UST: variants seen among roughly 807,000 people sequenced by gnomAD.
UST encodes chondroitin sulfate 2-O-sulfotransferase.
Under a neutral mutation model 45.6 loss-of-function variants are expected in UST, and 21 were observed. That is an observed-to-expected ratio of 0.46 (90% CI 0.33 to 0.66). UST has a LOEUF of 0.66. Ranked by LOEUF, UST falls within the 30% of genes least tolerant of loss-of-function variation. The pLI, the probability that UST is intolerant of heterozygous loss-of-function variation, is 0.02. For missense variants in UST, 463 were observed against 512.4 expected, an observed-to-expected ratio of 0.90 and a Z score of 0.93; for synonymous variants, 215 against 200.6, an observed-to-expected ratio of 1.07 and a Z score of -0.61.
chr6:148,861,927 C>G (rs1778324028), intron 1 of UST, among the ~76,000 whole-genome samples: 2 of 118,800 alleles, frequency 1.7e-5, no homozygotes, highest in Non-Finnish European at 3.3e-5. Context: ...ACTATGTGGT[C>G]AGTTTTGGAA....
In UST at chr6:149,073,985, C is replaced by A; in HGVS notation, c.1090C>A (p.Leu364Ile). Residue 364 changes from leucine to isoleucine, a missense_variant, in exon 8 of 8, where the codon CTT (leucine) becomes ATT (isoleucine). Physicochemically the swap from Leu to Ile is conservative, Grantham distance 5. Around this residue, in one of 2 missense-constraint regions of UST, gnomAD observed 287 missense variants for 374.2 expected, o/e 0.77. Coordinates refer to ENST00000367463, the MANE Select transcript of UST (RefSeq NM_005715.3). Reference sequence around the variant, plus strand: ...CCACCTGCTGAAGCGCAAGTTTGGACTTAAGTCTCACGTCAGCAAGCCCCC... The same window carrying A: ...CCACCTGCTGAAGCGCAAGTTTGGAATTAAGTCTCACGTCAGCAAGCCCCC... The part of the protein sequence containing the change: ...QFHLLKRKFG[L>I]KSHVSKPPLR... 1 of 1,614,206 alleles carries A rather than the reference C, an allele frequency of 6.2e-7. No individual in the cohort carries two copies. The highest frequency in any genetic ancestry group is 1.7e-5 in the Admixed American group (1 of 60,024).
At chr6:149,067,574 T>C (rs1297534107) in intron 7 of UST, among the ~76,000 whole-genome samples, 1 of 152,240 alleles carries the variant, frequency 6.6e-6, no homozygotes, top group East Asian at 1.9e-4. Flanking sequence ...CCTCATGTTC[T>C]GACTAGCACT....
At chr6:148,813,684 A>G (rs1777301922) in intron 1 of UST, among the ~76,000 whole-genome samples, 1 of 152,172 alleles carries the variant, frequency 6.6e-6, no homozygotes, top group Non-Finnish European at 1.5e-5. Flanking sequence ...CCAGCCCAGA[A>G]GAAATTTTAA....
At chr6:148,806,617 G>T (rs1262734381) in intron 1 of UST, among the ~76,000 whole-genome samples, 1 of 152,160 alleles carries the variant, frequency 6.6e-6, no homozygotes, top group Non-Finnish European at 1.5e-5. Context: ...GGGATTACAG[G>T]CGTGAGCCAT....
intron 1 of UST, among the ~76,000 whole-genome samples, chr6:148,850,327 C>T (rs1340740076): frequency 6.6e-6 from 1 of 152,112 alleles, no homozygotes; most frequent in Non-Finnish European, 1.5e-5. Context: ...TGCTACACCC[C>T]GTCTTGAAGA....
intron 5 of UST, chr6:148,964,814 T>G: frequency 2.0e-6 from 1 of 507,996 alleles, no homozygotes; most frequent in Non-Finnish European, 3.5e-6. Context: ...GTGCTAGGTT[T>G]TGGGACCCAG....
intron 1 of UST, among the ~76,000 whole-genome samples, chr6:148,875,887 C>CATTT (rs1293226208): frequency 6.6e-6 from 1 of 152,216 alleles, no homozygotes; most frequent in African/African-American, 2.4e-5. Flanking sequence ...ATTTATTGAG[C>CATTT]ATTTACTGTA....
At chr6:148,921,438 A>G (rs1006730333) in intron 2 of UST, among the ~76,000 whole-genome samples, 6 of 152,234 alleles carry the variant, frequency 3.9e-5, no homozygotes, top group African/African-American at 1.2e-4. Flanking sequence ...TGTGTTGTAT[A>G]GTATGCTTGT....
chr6:148,999,555 A>G lies in UST; in HGVS notation c.682-19584A>G, dbSNP rs193106046. Among the ~76,000 whole-genome samples the G allele has an allele frequency of 2.0e-3, 307 of 152,388 alleles. 1 individual carries two copies. Among genetic ancestry groups the G allele is most frequent in the Non-Finnish European group, 3.5e-3 (241 of 68,030 alleles). ...ACACCATTAAGACAAACTCACTGCT[A>G]TGATGTAACAGTGTCTCACAGGGTC... On this transcript the variant is annotated intron_variant, in intron 5 of 7. Transcript: ENST00000367463.
intron 5 of UST, among the ~76,000 whole-genome samples, chr6:148,980,160 A>G (rs1027465063): frequency 1.3e-5 from 2 of 152,196 alleles, no homozygotes; most frequent in Non-Finnish European, 2.9e-5. Flanking sequence ...TTTTTGTCCA[A>G]TATGATTGCT....
At chr6:149,023,323 A>G (rs1274512273) in intron 7 of UST, among the ~76,000 whole-genome samples, 6 of 152,194 alleles carry the variant, frequency 3.9e-5, no homozygotes, top group Non-Finnish European at 7.3e-5. Context: ...CTATGGATGA[A>G]GAGAGGTTCA....
In UST at chr6:149,048,178, GT is replaced by G. The variant is rs139863500; in HGVS notation, c.938-25649del. Among the ~76,000 whole-genome samples the G allele has an allele frequency of 4.6e-3, 702 of 151,786 alleles. 12 individuals carry two copies. Among genetic ancestry groups the G allele is most frequent in the African/African-American group, 0.016 (650 of 41,392 alleles). On this transcript the variant is annotated intron_variant, in intron 7 of 7. Transcript: ENST00000367463. ...GGAATAGAGGAAAATATAGTTGACT[GT>G]TTTTTGGGGGGATGGGGTTTTGCTA...
chr6:149,066,430 G>A (rs896758866), intron 7 of UST, among the ~76,000 whole-genome samples: 1 of 152,114 alleles, frequency 6.6e-6, no homozygotes, highest in African/African-American at 2.4e-5. Flanking sequence ...TTGAGAGGGA[G>A]AGGTTGACAA....
chr6:149,011,068 G>A (rs564273876), intron 5 of UST, among the ~76,000 whole-genome samples: 3 of 41,816 alleles, frequency 7.2e-5, no homozygotes, highest in South Asian at 8.9e-4. Flanking sequence ...CTGGACTAGC[G>A]CTCCCAATGA....
intron 7 of UST, among the ~76,000 whole-genome samples, chr6:149,072,287 G>T (rs551253073): frequency 6.6e-6 from 1 of 152,310 alleles, no homozygotes; most frequent in African/African-American, 2.4e-5. Context: ...CAACCCAAGT[G>T]TCTCTCCAAG....
At chr6:148,756,266 A>G (rs1439067665) in intron 1 of UST, among the ~76,000 whole-genome samples, 1 of 152,038 alleles carries the variant, frequency 6.6e-6, no homozygotes, top group Non-Finnish European at 1.5e-5. Flanking sequence ...CTCTCCTGCC[A>G]CCATGAGAAG....
intron 5 of UST, among the ~76,000 whole-genome samples, chr6:149,013,074 G>A (rs1156923697): frequency 6.6e-6 from 1 of 152,170 alleles, no homozygotes; most frequent in Non-Finnish European, 1.5e-5. Context: ...AAGAGGTACA[G>A]CCAAGATTTG....
intron 1 of UST, among the ~76,000 whole-genome samples, chr6:148,759,474 C>A (rs1416101684): frequency 5.6e-5 from 8 of 142,968 alleles, no homozygotes; most frequent in East Asian, 4.3e-4. Context: ...TTGCAGTGAG[C>A]CGAGATCGCA....
At chr6:148,751,850 C>T (rs567619839) in intron 1 of UST, among the ~76,000 whole-genome samples, 1 of 152,096 alleles carries the variant, frequency 6.6e-6, no homozygotes, top group Admixed American at 6.6e-5. Flanking sequence ...CTGCCAGTAG[C>T]CTTATTACTT....
Sources: allele counts gnomAD v4.1 joint callset (sites outside exome capture counted in the v4.1 genomes callset), GRCh38; gene constraint gnomAD v4.1.1; regional missense constraint gnomAD v4.1.1; transcripts MANE v1.5; gene names NCBI Gene and HGNC (gene_info 2026-07-23, HGNC 2026-07-21).